Variants in DOCK9 observed in about 807,000 individuals in gnomAD.
The protein encoded by DOCK9 is dedicator of cytokinesis 9.
A neutral mutation model predicts 263.3 loss-of-function variants in DOCK9; 89 were observed. The observed-to-expected ratio is 0.34, with a 90% CI of 0.28 to 0.40. The LOEUF (loss-of-function observed/expected upper bound fraction) is 0.40, where lower values mean the gene tolerates loss of function less well. Among genes scored for constraint, DOCK9 ranks in the 10% least tolerant of loss-of-function variants. The pLI, the probability that DOCK9 is intolerant of heterozygous loss-of-function variation, is 1.00. For missense variants in DOCK9, 2,140 were observed against 2,603.4 expected, an observed-to-expected ratio of 0.82 and a Z score of 3.87; for synonymous variants, 976 against 973.1, an observed-to-expected ratio of 1.00 and a Z score of -0.06.
At chr13:98,941,292 G>A (rs1451293255) in intron 2 of DOCK9, among the ~76,000 whole-genome samples, 3 of 152,176 alleles carry the variant, frequency 2.0e-5, no homozygotes, top group Admixed American at 6.5e-5. Flanking sequence ...TTAAAAGAGG[G>A]ACTGCGCAAT....
At chr13:98,985,402 C>T (rs1872394995) in intron 1 of DOCK9, among the ~76,000 whole-genome samples, 1 of 152,080 alleles carries the variant, frequency 6.6e-6, no homozygotes, top group Admixed American at 6.6e-5. Flanking sequence ...CTAACCTTCC[C>T]TACCCGCAGG....
Position 98,829,892 on chromosome 13 carries a change from C to G in DOCK9, c.4636-136G>C. The G allele has an allele frequency of 1.5e-6, 1 of 654,452 alleles. No individual in the cohort carries two copies. Among genetic ancestry groups the G allele is most frequent in the East Asian group, 2.7e-5 (1 of 36,430 alleles). 40.5% of individuals were successfully genotyped at this position (654,452 alleles called of 1,614,324 possible). On this transcript the variant is annotated intron_variant, in intron 41 of 52. Transcript: ENST00000682017. This position sits in a 1 kb window ranked among gnomAD's most constrained non-coding sequence, Gnocchi z 4.1. ...GGGGTGCTTTGAGCAGGGGTCGCTC[C>G]GTGTAGGAAACAATGTCTGAGGTAT...
chr13:98,942,670 A>C (rs2056139038), intron 2 of DOCK9, among the ~76,000 whole-genome samples: 1 of 152,248 alleles, frequency 6.6e-6, no homozygotes, highest in African/African-American at 2.4e-5. Flanking sequence ...CTAGAGATAC[A>C]TTCTGAGAAA....
chr13:99,022,496 G>A (rs770464839), intron 1 of DOCK9, among the ~76,000 whole-genome samples: 1 of 152,206 alleles, frequency 6.6e-6, no homozygotes, highest in African/African-American at 2.4e-5. Flanking sequence ...AGCTCAATGA[G>A]TGACCAAGTG....
At chr13:98,985,096 G>C (rs1595827131) in intron 1 of DOCK9, among the ~76,000 whole-genome samples, 2 of 145,232 alleles carry the variant, frequency 1.4e-5, no homozygotes, top group African/African-American at 5.1e-5. Flanking sequence ...TTGGGGGGGT[G>C]GGGCCTGCGC....
intron 45 of DOCK9, among the ~76,000 whole-genome samples, chr13:98,817,378 C>T (rs1487030376): frequency 6.7e-6 from 1 of 148,152 alleles, no homozygotes; most frequent in Non-Finnish European, 1.5e-5. Context: ...GTCAATTAAA[C>T]CTTTTTTCTT....
chr13:98,943,948 CTATCCATGCCTGTTGATTACCT>C (rs2056341313), intron 2 of DOCK9, among the ~76,000 whole-genome samples: 2 of 152,278 alleles, frequency 1.3e-5, no homozygotes, highest in South Asian at 4.2e-4. Context: ...AAATCTTCCT[CTATCCATGCCTGTTGATTACCT>C]TTAATATCCT....
chr13:98,816,025 C>T (rs2140402941), intron 45 of DOCK9, among the ~76,000 whole-genome samples: 1 of 152,216 alleles, frequency 6.6e-6, no homozygotes, highest in South Asian at 2.1e-4. Context: ...GTGTCCTCAC[C>T]ACCACATCAT....
At chr13:98,849,284 C>CTTT (rs1436003022) in intron 36 of DOCK9, among the ~76,000 whole-genome samples, 2 of 152,056 alleles carry the variant, frequency 1.3e-5, no homozygotes, top group Non-Finnish European at 2.9e-5. Context: ...TCTGTAGTTC[C>CTTT]AAAATGCATG....
intron 1 of DOCK9, among the ~76,000 whole-genome samples, chr13:99,047,884 C>G (rs1028996358): frequency 3.3e-5 from 5 of 152,058 alleles, no homozygotes; most frequent in Admixed American, 1.3e-4. Context: ...TGGATACAAA[C>G]TCAATGTATT....
intron 1 of DOCK9, chr13:99,015,819 A>C: frequency 1.6e-6 from 2 of 1,262,084 alleles, no homozygotes; most frequent in Non-Finnish European, 2.0e-6. Context: ...GTAAAACAGG[A>C]GGGGTGGTGC....
chr13:98,912,232 C>T (rs2050171679), intron 9 of DOCK9, among the ~76,000 whole-genome samples: 2 of 152,104 alleles, frequency 1.3e-5, no homozygotes, highest in Admixed American at 1.3e-4. Context: ...ACAAAGAGTA[C>T]ATGTATAAGT....
At chr13:99,011,326 TA>T (rs1001934462) in intron 1 of DOCK9, among the ~76,000 whole-genome samples, 7 of 152,084 alleles carry the variant, frequency 4.6e-5, no homozygotes, top group Admixed American at 2.6e-4. Context: ...GCAGGTAATA[TA>T]AAAAAATAAG....
At chr13:98,908,893 T>C (rs117198740) in intron 9 of DOCK9, among the ~76,000 whole-genome samples, 5,104 of 152,376 alleles carry the variant, frequency 0.033, 135 homozygotes, top group Middle Eastern at 0.092. Context: ...ACTTGTAATA[T>C]GTACTTTCAC....
At chr13:98,850,881 T>G (rs117048140) in intron 35 of DOCK9, among the ~76,000 whole-genome samples, 5,130 of 152,282 alleles carry the variant, frequency 0.034, 133 homozygotes, top group Middle Eastern at 0.088. Context: ...TTTTTTGCAT[T>G]CTTATATTTT....
At chr13:98,929,433 C>T (rs1306761984) in intron 3 of DOCK9, among the ~76,000 whole-genome samples, 2 of 152,110 alleles carry the variant, frequency 1.3e-5, no homozygotes, top group Non-Finnish European at 2.9e-5. Context: ...ATCCCAGCTA[C>T]TTGGGAGGCT....
intron 45 of DOCK9, among the ~76,000 whole-genome samples, chr13:98,817,451 CTTTTTTTTT>C (rs10683281): frequency 4.1e-5 from 4 of 97,630 alleles, no homozygotes; most frequent in Non-Finnish European, 7.4e-5. Context: ...ATACACCCAG[CTTTTTTTTT>C]TTTTTTTTTT....
chr13:99,062,091 C>T (rs1566373871), intron 1 of DOCK9, among the ~76,000 whole-genome samples: 1 of 151,990 alleles, frequency 6.6e-6, no homozygotes, highest in Admixed American at 6.6e-5. Context: ...AGGCTGGTCT[C>T]GAACTCCTGA....
chr13:98,815,303 C>T (rs754457160), intron 45 of DOCK9, among the ~76,000 whole-genome samples: 6 of 151,972 alleles, frequency 3.9e-5, no homozygotes, highest in African/African-American at 7.3e-5. Context: ...CCTAGCTTCC[C>T]GTGGGGAAGA....
Sources: gnomAD v4.1 joint callset for allele counts (sites outside exome capture counted in the v4.1 genomes callset) on GRCh38, gnomAD v4.1.1 for gene constraint, Gnocchi (gnomAD v3.1) non-coding constraint, MANE v1.5 for transcripts, NCBI Gene and HGNC (gene_info 2026-07-23, HGNC 2026-07-21) for gene names.